The following MTUS1 variants were observed in gnomAD, a reference collection of about 807,000 sequenced individuals.
MTUS1 encodes the protein microtubule-associated tumor suppressor 1.
A neutral mutation model predicts 120.8 loss-of-function variants in MTUS1; 109 were observed. The observed-to-expected ratio is 0.90, with a 90% confidence interval of 0.77 to 1.06. The LOEUF is 1.06. Ranked by LOEUF, MTUS1 falls within the 50% of genes least tolerant of loss-of-function variation. The pLI is 0.00. For synonymous variants in MTUS1, 737 were observed against 550.5 expected, an observed-to-expected ratio of 1.34 and a Z score of -4.74; for missense variants, 2,210 against 1,486.3, an observed-to-expected ratio of 1.49 and a Z score of -8.01.
chr8:17,765,658 C>T (rs1182228936), intron 1 of MTUS1, among the ~76,000 whole-genome samples: 1 of 137,828 alleles, frequency 7.3e-6, no homozygotes, highest in Non-Finnish European at 1.5e-5. Context: ...CTATACTTCA[C>T]CATCATTAAA....
chr8:17,697,699 A>C, intron 6 of MTUS1: 1 of 1,013,614 alleles, frequency 9.9e-7, no homozygotes, highest in African/African-American at 1.7e-5. Flanking sequence ...TATGGTTTTC[A>C]TCCGAGATGG....
At chr8:17,659,497 C>G (rs1362147495) in intron 8 of MTUS1, among the ~76,000 whole-genome samples, 3 of 152,102 alleles carry the variant, frequency 2.0e-5, no homozygotes, top group African/African-American at 7.2e-5. Flanking sequence ...AATATCCAGA[C>G]CATCCTGGCC....
Position 17,789,921 on chromosome 8 carries a change from C to T in MTUS1, c.-155+11140G>A, listed in dbSNP as rs117367809. ...GAAACTGTGGTTTTGTGAGGGCATT[C>T]GTCTCTTCCCAGTTCTGACACTGGC... On this transcript the variant is annotated intron_variant, in intron 1 of 14. Coordinates refer to ENST00000693296, the MANE Select transcript of MTUS1 (RefSeq NM_001363059.2). Among the ~76,000 whole-genome samples the T allele has an allele frequency of 5.4e-3, 820 of 152,268 alleles. 3 individuals are homozygous for T. Among genetic ancestry groups the T allele is most frequent in the Non-Finnish European group, 7.6e-3 (520 of 68,006 alleles).
At chr8:17,763,212 G>C (rs369217063) in intron 1 of MTUS1, among the ~76,000 whole-genome samples, 1 of 137,076 alleles carries the variant, frequency 7.3e-6, no homozygotes, top group South Asian at 2.4e-4. Flanking sequence ...GGCTGGTCTT[G>C]AACTCCTGTC....
At chr8:17,735,991 C>G (rs561047556) in intron 3 of MTUS1, among the ~76,000 whole-genome samples, 1 of 152,308 alleles carries the variant, frequency 6.6e-6, no homozygotes, top group Admixed American at 6.5e-5. Context: ...CTTAGACACC[C>G]CCTTATCCCC....
chr8:17,718,828 G>C (rs1222874700), intron 4 of MTUS1, among the ~76,000 whole-genome samples: 1 of 151,468 alleles, frequency 6.6e-6, no homozygotes, highest in Non-Finnish European at 1.5e-5. Flanking sequence ...AAAACTAAGG[G>C]ATATTCTCAG....
At chr8:17,772,292 T>C (rs185142587) in intron 1 of MTUS1, among the ~76,000 whole-genome samples, 3 of 152,298 alleles carry the variant, frequency 2.0e-5, no homozygotes, top group Admixed American at 2.0e-4. Context: ...CATTTAAAGA[T>C]GTCCTACACC....
chr8:17,743,564 T>A, intron 3 of MTUS1, 40 bp downstream of exon 3: 1 of 1,569,844 alleles, frequency 6.4e-7, no homozygotes, highest in Non-Finnish European at 8.7e-7. Flanking sequence ...CAATTTTACA[T>A]TCAATTAACT....
At position 17,754,403 on chromosome 8, in the gene MTUS1, CCTT is replaced by C; in HGVS notation, c.1402_1404del (p.Lys468del). 2 of 1,614,100 alleles carry C rather than the reference CCTT, an allele frequency of 1.2e-6. No individual in the cohort carries two copies. The highest frequency in any genetic ancestry group is 1.7e-6 in the Non-Finnish European group (2 of 1,180,022). On this transcript the variant is annotated inframe_deletion, in exon 2 of 15. Coordinates refer to ENST00000693296, the MANE Select transcript of MTUS1 (RefSeq NM_001363059.2). ...GGTTTACACAGGTTCACAGGTGCCT[CCTT>C]CGAGTCTGGTATGTTTTTAAGCCCT...
intron 7 of MTUS1, chr8:17,676,518 C>G (rs1383746167): frequency 1.5e-5 from 9 of 589,128 alleles, no homozygotes; most frequent in African/African-American, 1.3e-4. Context: ...CTCACAGAAG[C>G]TGATACTGCA....
intron 5 of MTUS1, among the ~76,000 whole-genome samples, chr8:17,713,806 G>T (rs993697643): frequency 1.3e-5 from 2 of 152,072 alleles, no homozygotes; most frequent in African/African-American, 4.8e-5. Context: ...TTGTTTCTAG[G>T]ACATAATCAT....
intron 1 of MTUS1, among the ~76,000 whole-genome samples, chr8:17,782,619 T>C (rs1045234270): frequency 1.3e-5 from 2 of 152,238 alleles, no homozygotes; most frequent in Non-Finnish European, 2.9e-5. Context: ...ATGTATTTCA[T>C]ATCACACCTT....
intron 6 of MTUS1, among the ~76,000 whole-genome samples, chr8:17,703,009 G>A (rs1819409864): frequency 6.6e-6 from 1 of 152,118 alleles, no homozygotes; most frequent in Non-Finnish European, 1.5e-5. Flanking sequence ...CGTCACCTCA[G>A]GACCCTGTGA....
chr8:17,767,550 C>T (rs1169209960), intron 1 of MTUS1, among the ~76,000 whole-genome samples: 5 of 141,494 alleles, frequency 3.5e-5, no homozygotes, highest in Admixed American at 2.9e-4. Flanking sequence ...AAAAAAAAAT[C>T]AACCAGGCAT....
intron 6 of MTUS1, among the ~76,000 whole-genome samples, chr8:17,711,524 G>C (rs1334518286): frequency 6.6e-6 from 1 of 152,066 alleles, no homozygotes; most frequent in Non-Finnish European, 1.5e-5. Context: ...GTCTCACTCT[G>C]GATTAGGCTT....
chr8:17,667,342 G>C (rs1309203911), intron 8 of MTUS1, among the ~76,000 whole-genome samples: 4 of 152,138 alleles, frequency 2.6e-5, no homozygotes, highest in Non-Finnish European at 5.9e-5. Flanking sequence ...TTCAAGAAAA[G>C]TCACTTCTGG....
At chr8:17,781,149 G>A (rs887604983) in intron 1 of MTUS1, among the ~76,000 whole-genome samples, 2 of 152,202 alleles carry the variant, frequency 1.3e-5, no homozygotes, top group African/African-American at 4.8e-5. Context: ...AACTTCTCAA[G>A]TGATCTGTTT....
At chr8:17,658,968 T>TA (rs35243233) in intron 8 of MTUS1, among the ~76,000 whole-genome samples, 100,146 of 150,814 alleles carry the variant, frequency 0.66, 33,585 homozygotes, top group Middle Eastern at 0.84. Flanking sequence ...GATTTAACAT[T>TA]AAAAAAAAAT....
At chr8:17,750,613 G>C (rs2048115641) in intron 2 of MTUS1, among the ~76,000 whole-genome samples, 2 of 152,174 alleles carry the variant, frequency 1.3e-5, no homozygotes, top group African/African-American at 2.4e-5. Flanking sequence ...TGACCTCGCT[G>C]AAGTATTAAA....
Sources: allele counts gnomAD v4.1 joint callset (sites outside exome capture counted in the v4.1 genomes callset), GRCh38; gene constraint gnomAD v4.1.1; transcripts MANE v1.5; gene names NCBI Gene and HGNC (gene_info 2026-07-23, HGNC 2026-07-21).